Variants in IGFN1 observed in about 807,000 individuals in gnomAD.
IGFN1 encodes immunoglobulin-like and fibronectin type III domain-containing protein 1.
Under a neutral mutation model 289.5 loss-of-function variants are expected in IGFN1, and 253 were observed. The ratio of observed to expected loss-of-function variants is 0.87; its 90% CI spans 0.79 to 0.97. The LOEUF (loss-of-function observed/expected upper bound fraction) is 0.97, where lower values mean the gene tolerates loss of function less well. IGFN1 is among the 50% of genes least tolerant of loss of function. The probability of loss-of-function intolerance (pLI) is 0.00; values close to 1 mark genes in which losing one functional copy is unlikely to be tolerated. For missense variants in IGFN1, 4,470 were observed against 4,686.1 expected (o/e 0.95, Z 1.35); for synonymous variants, 1,706 against 1,788.5 (o/e 0.95, Z 1.16).
rs1667895331 is a variant in IGFN1, at chr1:201,212,909, G to C, written c.8016G>C (p.Lys2672Asn). The change falls in exon 12 of 24, where the codon AAG (lysine) becomes AAC (asparagine). Residue 2672 changes from lysine to asparagine, a missense_variant. By Grantham distance (94) the Lys-to-Asn change is moderately conservative. Transcript: ENST00000335211. ...GGTHEGPGGFKGGEGAPGQEA... is the reference protein window; with the variant it reads ...GGTHEGPGGFNGGEGAPGQEA... ...CCCATGAAGGGCCAGGGGGCTTTAAGGGTGGGGAGGGTGCACCAGGCCAAG... is the reference window on the plus strand; with the variant it reads ...CCCATGAAGGGCCAGGGGGCTTTAACGGTGGGGAGGGTGCACCAGGCCAAG... 1 of 1,551,478 alleles carries C rather than the reference G, an allele frequency of 6.4e-7. No individual in the cohort carries two copies. Among genetic ancestry groups the C allele is most frequent in the Non-Finnish European group, 8.7e-7 (1 of 1,146,970 alleles).
At position 201,217,567 on chromosome 1, in the gene IGFN1, T is replaced by C. The variant is rs897867154; in HGVS notation, c.9769+107T>C. 11 of 1,184,374 alleles carry C rather than the reference T, an allele frequency of 9.3e-6. No homozygotes were observed. In the Admixed American group the frequency reaches 2.4e-4, roughly 26 times the overall value. 73.4% of individuals were successfully genotyped at this position (1,184,374 alleles called of 1,614,324 possible). On this transcript the variant is annotated intron_variant, in intron 17 of 23. Coordinates refer to ENST00000335211, the MANE Select transcript of IGFN1 (RefSeq NM_001164586.2). The stretch of plus-strand genomic sequence containing the variant: ...TTAATACAGTCGTTCTCGTCTAGGG[T>C]GGTTTGGCAACGTCTGGAGATATTT...
At chr1:201,218,474 A>C in intron 17 of IGFN1, 56 bp from the exon 18 acceptor site, 1 of 1,566,740 alleles carries the variant, frequency 6.4e-7, no homozygotes, top group Non-Finnish European at 8.7e-7. Context: ...CACCCAAGCT[A>C]TCTCCCCATG....
chr1:201,209,252 G>T lies in IGFN1; in HGVS notation c.4359G>T (p.Arg1453Ser). Residue 1453 changes from arginine (R) to serine (S), a missense_variant, in exon 12 of 24, where the codon AGG (arginine) becomes AGT (serine). Arg to Ser is a moderately radical substitution (Grantham distance 110). Coordinates refer to ENST00000335211, the MANE Select transcript of IGFN1 (RefSeq NM_001164586.2). ...RDGLRGSGEM[R>S]SMDEAGYRKN... ...GCTTAAGGGGTTCTGGAGAAATGAG[G>T]TCAATGGATGAGGCAGGTTATAGGA... 1 of 1,486,804 alleles carries T rather than the reference G, an allele frequency of 6.7e-7. No homozygotes were observed. Among genetic ancestry groups the T allele is most frequent in the Non-Finnish European group, 8.9e-7 (1 of 1,129,068 alleles). 92.1% of individuals were successfully genotyped at this position (1,486,804 alleles called of 1,614,324 possible).
Position 201,221,518 on chromosome 1 carries a change from C to A in IGFN1, c.9973C>A (p.Pro3325Thr), listed in dbSNP as rs763189840. The change falls in exon 19 of 24, where the codon CCA becomes ACA. Residue 3325 changes from proline to threonine, a missense_variant. Pro to Thr is a conservative substitution (Grantham distance 38). Coordinates refer to ENST00000335211, the MANE Select transcript of IGFN1 (RefSeq NM_001164586.2). ...CAGCATCACTCTGAGCTGGGCTGGG[C>A]CAGACACCCAGGAAGGGGATGAAGC... Reference protein sequence around the residue: ...NTSITLSWAGPDTQEGDEAQG... With the variant: ...NTSITLSWAGTDTQEGDEAQG... 1 of 1,613,884 alleles carries A rather than the reference C, an allele frequency of 6.2e-7. No individual in the cohort carries two copies. The highest frequency in any genetic ancestry group is 2.2e-5 in the East Asian group (1 of 44,874).
chr1:201,212,238 G>C lies in IGFN1; in HGVS notation c.7345G>C (p.Gly2449Arg), dbSNP rs1439563952. The C allele has an allele frequency of 6.5e-7, 1 of 1,534,722 alleles. No individual in the cohort carries two copies. The highest frequency in any genetic ancestry group is 1.2e-5 in the South Asian group (1 of 83,792). The change falls in exon 12 of 24, where the codon GGG (glycine) becomes CGG (arginine). Residue 2449 changes from glycine (G) to arginine (R), a missense_variant. By Grantham distance (125) the Gly-to-Arg change is moderately radical (BLOSUM62 -2). Coordinates refer to ENST00000335211, the MANE Select transcript of IGFN1 (RefSeq NM_001164586.2). Reference sequence around the variant, plus strand: ...CAGCCTCAGGGGCACAGGGGTGCTGGGGTCTCAGGGAGGGCGACAGACTCT... The same window carrying C: ...CAGCCTCAGGGGCACAGGGGTGCTGCGGTCTCAGGGAGGGCGACAGACTCT... Reference protein sequence around the residue: ...RDSLRGTGVLGSQGGRQTLSD... With the variant: ...RDSLRGTGVLRSQGGRQTLSD...
rs1241812382 is a variant in IGFN1, at chr1:201,212,665, G to C, written c.7772G>C (p.Ser2591Thr). The change falls in exon 12 of 24, where the codon AGT becomes ACT. Residue 2591 changes from serine (S) to threonine (T), a missense_variant. Physicochemically the swap from Ser to Thr is moderately conservative, Grantham distance 58. Transcript: ENST00000335211. ...LLGGRRVGSG[S>T]SVGTGQDLDS... ...GGAGGCAGAAGGGTAGGCTCAGGGA[G>C]TTCAGTGGGGACAGGTCAGGATCTG... 1 of 1,543,086 alleles carries C rather than the reference G, an allele frequency of 6.5e-7. No individual in the cohort carries two copies. The highest frequency in any genetic ancestry group is 8.8e-7 in the Non-Finnish European group (1 of 1,142,154).
Position 201,207,571 on chromosome 1 carries a change from C to G in IGFN1, c.2678C>G (p.Ala893Gly), listed in dbSNP as rs1039169746. Residue 893 changes from alanine to glycine, a missense_variant, in exon 12 of 24, where the codon GCT becomes GGT. By Grantham distance (60) the Ala-to-Gly change is moderately conservative. Coordinates refer to ENST00000335211, the MANE Select transcript of IGFN1 (RefSeq NM_001164586.2). ...GCCAGAAGCCACTGGCTAAGTAGGG[C>G]TCCAGGCCTGGGTGCTCAGGGATCT... ...VDARSHWLSRAPGLGAQGSGG... is the reference protein window; with the variant it reads ...VDARSHWLSRGPGLGAQGSGG... The G allele has an allele frequency of 2.5e-5, 39 of 1,536,982 alleles. No individual in the cohort carries two copies. The highest frequency in any genetic ancestry group is 1.2e-4 in the Admixed American group (6 of 50,996).
rs775262317 is a variant in IGFN1 at position 201,218,556 on chromosome 1, C to G, written c.9796C>G (p.Arg3266Gly). 6.2e-7 allele frequency: 1 copy of G among 1,613,196 alleles called. No individual in the cohort carries two copies. ...PERRWTVADV[R>G]QGCQYEFRVT... is the part of the protein sequence containing the mutation. ...GAGGAGGTGGACGGTGGCGGACGTGCGGCAGGGCTGTCAGTATGAGTTCCG... is the reference window on the plus strand; with the variant it reads ...GAGGAGGTGGACGGTGGCGGACGTGGGGCAGGGCTGTCAGTATGAGTTCCG... Residue 3266 changes from arginine (R) to glycine (G), a missense_variant, in exon 18 of 24, where the codon CGG becomes GGG. By Grantham distance (125) the Arg-to-Gly change is moderately radical. This residue lies in a region of IGFN1 where 2,218 missense variants were observed against 2,114.1 expected (regional missense o/e 1.05). Transcript: ENST00000335211.
In IGFN1 at chr1:201,207,921, A is replaced by G. The variant is rs1251644891; in HGVS notation, c.3028A>G (p.Arg1010Gly). 2 of 1,536,782 alleles carry G rather than the reference A, an allele frequency of 1.3e-6. No homozygotes were observed. Among genetic ancestry groups the G allele is most frequent in the Admixed American group, 3.9e-5 (2 of 50,978 alleles). The change falls in exon 12 of 24, where the codon AGG (arginine) becomes GGG (glycine). Residue 1010 changes from arginine to glycine, a missense_variant. Physicochemically the swap from Arg to Gly is moderately radical, Grantham distance 125 (BLOSUM62 -2). Coordinates refer to ENST00000335211, the MANE Select transcript of IGFN1 (RefSeq NM_001164586.2). ...GGAGTCTGAGGAAGGGGGTGGGTAC[A>G]GGCATGGCTCCGGAGCGCCTGGGGG... ...GVESEEGGGY[R>G]HGSGAPGGVW...
Position 201,212,878 on chromosome 1 carries a change from G to C in IGFN1, c.7985G>C (p.Gly2662Ala). Residue 2662 changes from glycine (G) to alanine (A), a missense_variant, in exon 12 of 24, where the codon GGT (glycine) becomes GCT (alanine). Gly to Ala is a moderately conservative substitution (Grantham distance 60, BLOSUM62 0). This residue lies in a region of IGFN1 where 2,218 missense variants were observed against 2,114.1 expected (regional missense o/e 1.05). Transcript: ENST00000335211. The stretch of plus-strand genomic sequence containing the variant: ...CTGCAGGAGAAAGATGCCGCTTTTG[G>C]TGGGACCCATGAAGGGCCAGGGGGC... ...GSLQEKDAAF[G>A]GTHEGPGGFK... 5 of 1,551,318 alleles carry C rather than the reference G, an allele frequency of 3.2e-6. No homozygotes were observed. The highest frequency in any genetic ancestry group is 1.2e-5 in the South Asian group (1 of 84,052).
intron 1 of IGFN1, 39 bp downstream of exon 1, chr1:201,190,946 G>C (rs1422631106): frequency 2.0e-5 from 3 of 152,194 alleles, no homozygotes. Context: ...ACCCGGGCCA[G>C]GGTAGGGCCA....
chr1:201,203,696 G>A, intron 9 of IGFN1, 42 bp from the exon 10 acceptor site: 1 of 1,540,902 alleles, frequency 6.5e-7, no homozygotes, highest in African/African-American at 1.4e-5. Context: ...GAAGCACTGA[G>A]GACCCACTGA....
chr1:201,206,315 G>A lies in IGFN1; in HGVS notation c.1422G>A (p.Gly474=), dbSNP rs1218774031. 2 of 1,550,334 alleles carry A rather than the reference G, an allele frequency of 1.3e-6. No individual in the cohort carries two copies. Among genetic ancestry groups the A allele is most frequent in the Non-Finnish European group, 8.7e-7 (1 of 1,146,946 alleles). ...GLGRHGYSLM[G]DKGTADSAWG... is the part of the protein sequence containing the mutation. ...GCAGACATGGCTACTCCTTGATGGG[G>A]GACAAAGGGACAGCTGACTCAGCCT... The change falls in exon 12 of 24, where the codon GGG becomes GGA. Residue 474 remains glycine (G), a synonymous_variant. Transcript: ENST00000335211.
chr1:201,194,512 T>G (rs1198773704), intron 3 of IGFN1, among the ~76,000 whole-genome samples: 1 of 152,144 alleles, frequency 6.6e-6, no homozygotes, highest in Non-Finnish European at 1.5e-5. Flanking sequence ...TATTCTGGTG[T>G]GAGAAATATC....
Position 201,215,073 on chromosome 1 carries a change from A to G in IGFN1, c.8914A>G (p.Thr2972Ala). 2.5e-6 allele frequency: 4 copies of G among 1,614,040 alleles called. No individual in the cohort carries two copies. In the South Asian group the frequency reaches 4.4e-5, roughly 18 times the overall value. Residue 2972 changes from threonine (T) to alanine (A), a missense_variant, in exon 14 of 24, where the codon ACG (threonine) becomes GCG (alanine). By Grantham distance (58) the Thr-to-Ala change is moderately conservative. This residue lies in a region of IGFN1 where 2,218 missense variants were observed against 2,114.1 expected (regional missense o/e 1.05). Coordinates refer to ENST00000335211, the MANE Select transcript of IGFN1 (RefSeq NM_001164586.2). ...CGGTCTCGTGCACAGCCTCTTCATC[A>G]CGCATGTGCAGGGGACCCAAGCTGG... ...QDGLVHSLFI[T>A]HVQGTQAGRY...
At position 201,208,908 on chromosome 1, in the gene IGFN1, A is replaced by G. The variant is rs962539208; in HGVS notation, c.4015A>G (p.Lys1339Glu). The change falls in exon 12 of 24, where the codon AAG becomes GAG. Residue 1339 changes from lysine to glutamate, a missense_variant. Transcript: ENST00000335211. The part of the protein sequence containing the change: ...GAPEGISSGS[K>E]ADYRGGLQDS... ...TCCTGAGGGAATAAGTTCAGGGAGCAAGGCAGATTATAGGGGTGGTTTACA... is the reference window on the plus strand; with the variant it reads ...TCCTGAGGGAATAAGTTCAGGGAGCGAGGCAGATTATAGGGGTGGTTTACA... The G allele has an allele frequency of 6.5e-7, 1 of 1,536,496 alleles. No individual in the cohort carries two copies. The highest frequency in any genetic ancestry group is 8.7e-7 in the Non-Finnish European group (1 of 1,146,618).
At position 201,213,618 on chromosome 1, in the gene IGFN1, C is replaced by T; in HGVS notation, c.8725C>T (p.Gln2909Ter). The part of the protein sequence containing the change: ...PGTGSFSKDA[Q>*]GPMGHFSQGL... ...CACTGGCAGTTTCTCCAAGGATGCC[C>T]AAGGTAGGTGCTTCTCTGCTGAGCT... is the stretch of plus-strand genomic sequence containing the variant. The change falls in exon 12 of 24, where the codon CAA becomes TAA. Residue 2909 changes from glutamine to a stop codon, truncating the protein, a stop_gained. Coordinates refer to ENST00000335211, the MANE Select transcript of IGFN1 (RefSeq NM_001164586.2). LOFTEE classifies it high-confidence loss of function. 1.9e-6 allele frequency: 3 copies of T among 1,612,810 alleles called. No homozygotes were observed. The highest frequency in any genetic ancestry group is 2.5e-6 in the Non-Finnish European group (3 of 1,179,112).
chr1:201,191,085 G>A (rs1031133684), intron 1 of IGFN1, among the ~76,000 whole-genome samples, 178 bp downstream of exon 1: 1 of 152,172 alleles, frequency 6.6e-6, no homozygotes, highest in African/African-American at 2.4e-5. Flanking sequence ...ATCCCCTCTA[G>A]GTTACTCCAG....
At chr1:201,218,361 C>CAGTG (rs1653466917) in intron 17 of IGFN1, among the ~76,000 whole-genome samples, 169 bp from the exon 18 acceptor site, 2 of 152,218 alleles carry the variant, frequency 1.3e-5, no homozygotes, top group Admixed American at 1.3e-4. Context: ...ACGCCCTGAG[C>CAGTG]AGTGCTCTTT....
Sources: gnomAD v4.1 joint callset for allele counts (sites outside exome capture counted in the v4.1 genomes callset) on GRCh38, gnomAD v4.1.1 for gene constraint, gnomAD v4.1.1 regional missense constraint, MANE v1.5 for transcripts, NCBI Gene and HGNC (gene_info 2026-07-23, HGNC 2026-07-21) for gene names.